The following SAMD4A variants were observed in gnomAD, a reference collection of about 807,000 sequenced individuals.
SAMD4A encodes the protein sterile alpha motif domain containing 4A.
A neutral mutation model predicts 81.3 loss-of-function variants in SAMD4A; 33 were observed. The observed-to-expected ratio is 0.41, with a 90% confidence interval of 0.31 to 0.54. The LOEUF is 0.54. Among genes scored for constraint, SAMD4A ranks in the 20% least tolerant of loss-of-function variants. The pLI, the probability that SAMD4A is intolerant of heterozygous loss-of-function variation, is 0.37. For synonymous variants in SAMD4A, 389 were observed against 382.1 expected, an observed-to-expected ratio of 1.02 and a Z score of -0.21; for missense variants, 854 against 951.1, an observed-to-expected ratio of 0.90 and a Z score of 1.34.
At chr14:54,631,859 G>A (rs1225786991) in intron 2 of SAMD4A, among the ~76,000 whole-genome samples, 1 of 152,162 alleles carries the variant, frequency 6.6e-6, no homozygotes, top group Non-Finnish European at 1.5e-5. Context: ...TTAAGTGTTG[G>A]TCTAAAGTAT....
intron 2 of SAMD4A, among the ~76,000 whole-genome samples, chr14:54,615,238 C>G (rs2034461854): frequency 6.6e-6 from 1 of 152,206 alleles, no homozygotes; most frequent in African/African-American, 2.4e-5. Flanking sequence ...TTAATTCTCA[C>G]ACAGCAAACC....
intron 3 of SAMD4A, among the ~76,000 whole-genome samples, chr14:54,710,493 C>G (rs897322816): frequency 4.6e-5 from 7 of 152,174 alleles, no homozygotes; most frequent in African/African-American, 1.7e-4. Flanking sequence ...AGTAGTTCAG[C>G]TGGGATGTGA....
At chr14:54,704,341 G>A (rs1431499071) in intron 3 of SAMD4A, among the ~76,000 whole-genome samples, 1 of 152,206 alleles carries the variant, frequency 6.6e-6, no homozygotes, top group East Asian at 1.9e-4. Context: ...TGGGAGAGAT[G>A]CAAACTCTAA....
At chr14:54,579,223 C>T (rs1313835134) in intron 2 of SAMD4A, among the ~76,000 whole-genome samples, 1 of 152,164 alleles carries the variant, frequency 6.6e-6, no homozygotes, top group East Asian at 1.9e-4. Flanking sequence ...AAATTAAATG[C>T]CGTATATTTC....
chr14:54,633,914 G>GA (rs369131665), intron 2 of SAMD4A, among the ~76,000 whole-genome samples: 3 of 152,070 alleles, frequency 2.0e-5, no homozygotes, highest in African/African-American at 7.2e-5. Context: ...TTGGAGGGGG[G>GA]ATCTTCTTGT....
At chr14:54,610,625 T>C (rs2140263383) in intron 2 of SAMD4A, among the ~76,000 whole-genome samples, 1 of 152,358 alleles carries the variant, frequency 6.6e-6, no homozygotes, top group South Asian at 2.1e-4. Context: ...ATGAGCCAAG[T>C]CACCTGTAAC....
intron 2 of SAMD4A, among the ~76,000 whole-genome samples, chr14:54,652,418 G>A (rs1033093850): frequency 2.0e-5 from 3 of 152,188 alleles, no homozygotes; most frequent in African/African-American, 4.8e-5. Flanking sequence ...ATTCCTCTCC[G>A]ATGAGGTGGA....
chr14:54,744,584 G>A (rs1365350992), intron 4 of SAMD4A, among the ~76,000 whole-genome samples: 1 of 152,182 alleles, frequency 6.6e-6, no homozygotes, highest in Non-Finnish European at 1.5e-5. Flanking sequence ...CAAGGTCTAG[G>A]AGCTTTCTGA....
At chr14:54,566,738 C>G (rs557969429), upstream of SAMD4A, among the ~76,000 whole-genome samples, 1 of 151,954 alleles carries the variant, frequency 6.6e-6, no homozygotes, top group South Asian at 2.1e-4. Flanking sequence ...GGCAGGATGC[C>G]TGCCACACAC....
chr14:54,682,010 C>T (rs2036139499), intron 2 of SAMD4A: 2 of 985,244 alleles, frequency 2.0e-6, no homozygotes, highest in African/African-American at 1.7e-5. Context: ...GGGTCTAGGA[C>T]TGGCCTTACA....
intron 8 of SAMD4A, among the ~76,000 whole-genome samples, chr14:54,767,603 G>A (rs1238678669): frequency 6.6e-6 from 1 of 152,214 alleles, no homozygotes; most frequent in Non-Finnish European, 1.5e-5. Context: ...CATTGGTCTA[G>A]GCCTGAGAGG....
At chr14:54,665,647 A>G (rs1406578825) in intron 2 of SAMD4A, among the ~76,000 whole-genome samples, 1 of 152,236 alleles carries the variant, frequency 6.6e-6, no homozygotes, top group Non-Finnish European at 1.5e-5. Context: ...GGAAAGATGA[A>G]TGGCCACAGA....
At chr14:54,728,714 C>T (rs746325798) in intron 3 of SAMD4A, among the ~76,000 whole-genome samples, 1 of 152,216 alleles carries the variant, frequency 6.6e-6, no homozygotes, top group Admixed American at 6.5e-5. Context: ...TTAGTCAGGG[C>T]TACATAATAC....
In SAMD4A at chr14:54,567,973, G is replaced by A; in HGVS notation, c.57G>A (p.Glu19=). 2.5e-6 allele frequency: 4 copies of A among 1,610,676 alleles called. No individual in the cohort carries two copies. Among genetic ancestry groups the A allele is most frequent in the Non-Finnish European group, 3.4e-6 (4 of 1,179,624 alleles). The change falls in exon 2 of 13, where the codon GAG becomes GAA. Residue 19 remains glutamate (E), a synonymous_variant. Coordinates refer to ENST00000554335, the MANE Select transcript of SAMD4A (RefSeq NM_015589.6). The stretch of plus-strand genomic sequence containing the variant: ...CGGGCTGGTTTAAGGGCTGGAACGA[G>A]TGCGAGCAGACTGTTGCGCTGCTGT... The part of the protein sequence containing the change: ...VLAGWFKGWN[E]CEQTVALLSL...
intron 2 of SAMD4A, among the ~76,000 whole-genome samples, chr14:54,580,665 T>C (rs1485827779): frequency 6.6e-6 from 1 of 152,204 alleles, no homozygotes; most frequent in African/African-American, 2.4e-5. Context: ...CTACGACAGC[T>C]CTTCCTGAGG....
chr14:54,606,183 C>CTGTGTG (rs57209362), intron 2 of SAMD4A, among the ~76,000 whole-genome samples: 49,711 of 146,448 alleles, frequency 0.34, 9,541 homozygotes, highest in East Asian at 0.5. Context: ...TACTTCTGGG[C>CTGTGTG]TGTGTGTGTG....
chr14:54,618,121 G>A (rs1230871043), intron 2 of SAMD4A, among the ~76,000 whole-genome samples: 1 of 152,138 alleles, frequency 6.6e-6, no homozygotes, highest in East Asian at 1.9e-4. Flanking sequence ...CTCTCAACTT[G>A]AGTAAGATGG....
At chr14:54,694,202 A>G (rs2140685385) in intron 2 of SAMD4A, 1 of 152,726 alleles carries the variant, frequency 6.5e-6, no homozygotes, top group South Asian at 2.1e-4. Context: ...GAGTGACATG[A>G]CTTACCTTCT....
chr14:54,644,135 A>G (rs1443929710), intron 2 of SAMD4A, among the ~76,000 whole-genome samples: 1 of 152,118 alleles, frequency 6.6e-6, no homozygotes, highest in Non-Finnish European at 1.5e-5. Flanking sequence ...TTTGTTTAGG[A>G]AACTTTGCCA....
Sources: gnomAD v4.1 joint callset for allele counts (sites outside exome capture counted in the v4.1 genomes callset) on GRCh38, gnomAD v4.1.1 for gene constraint, MANE v1.5 for transcripts, NCBI Gene and HGNC (gene_info 2026-07-23, HGNC 2026-07-21) for gene names.